The following PDE3B variants were observed in gnomAD, a reference collection of about 807,000 sequenced individuals.
PDE3B encodes the protein cGMP-inhibited 3',5'-cyclic phosphodiesterase 3B.
Under a neutral mutation model 116.8 loss-of-function variants are expected in PDE3B, and 66 were observed. The observed-to-expected ratio is 0.56, with a 90% CI of 0.46 to 0.69. The LOEUF (loss-of-function observed/expected upper bound fraction) is 0.69. Ranked by LOEUF, PDE3B falls within the 30% of genes least tolerant of loss-of-function variation. The pLI, the probability that PDE3B is intolerant of heterozygous loss-of-function variation, is 0.00. For missense variants in PDE3B, 1,384 were observed against 1,368.1 expected, an observed-to-expected ratio of 1.01 and a Z score of -0.18; for synonymous variants, 595 against 533.6, an observed-to-expected ratio of 1.12 and a Z score of -1.59.
At chr11:14,688,468 C>CA (rs1854953062) in intron 1 of PDE3B, among the ~76,000 whole-genome samples, 10 of 152,050 alleles carry the variant, frequency 6.6e-5, no homozygotes. Flanking sequence ...AGTGTGTTTA[C>CA]AATGAGGCCT....
the PDE3B span, chr11:14,892,281 T>A: frequency 7.2e-7 from 1 of 1,389,442 alleles, no homozygotes; most frequent in Non-Finnish European, 1.0e-6. Flanking sequence ...CATACTCCCA[T>A]TGGCAGGATA....
At chr11:14,683,882 G>C (rs1338585805) in intron 1 of PDE3B, among the ~76,000 whole-genome samples, 1 of 152,010 alleles carries the variant, frequency 6.6e-6, no homozygotes, top group Non-Finnish European at 1.5e-5. Context: ...GTTTTTATTT[G>C]GTTCAGACTA....
chr11:14,811,485 G>A (rs536364878), intron 5 of PDE3B, among the ~76,000 whole-genome samples: 11 of 152,200 alleles, frequency 7.2e-5, no homozygotes, highest in East Asian at 1.9e-4. Flanking sequence ...GTAGATATGC[G>A]GCGTGATTTC....
rs1555008276 is a variant in PDE3B, at chr11:14,867,595, C to T, written c.2976C>T (p.Ile992=). The change falls in exon 15 of 16, where the codon ATC becomes ATT. Residue 992 remains isoleucine, a synonymous_variant. Coordinates refer to ENST00000282096, the MANE Select transcript of PDE3B (RefSeq NM_000922.4). ...TAGCAAAACTCCAAGAATCTTTTATCACCCACATAGTGGGTCCCCTGTGTA... is the reference window on the plus strand; with the variant it reads ...TAGCAAAACTCCAAGAATCTTTTATTACCCACATAGTGGGTCCCCTGTGTA... The part of the protein sequence containing the change: ...PQLAKLQESF[I]THIVGPLCNS... The T allele has an allele frequency of 6.2e-7, 1 of 1,613,990 alleles. No homozygotes were observed. Among genetic ancestry groups the T allele is most frequent in the South Asian group, 1.1e-5 (1 of 91,072 alleles).
At chr11:14,853,322 G>A (rs1217160834) in intron 12 of PDE3B, among the ~76,000 whole-genome samples, 3 of 152,040 alleles carry the variant, frequency 2.0e-5, no homozygotes, top group Non-Finnish European at 4.4e-5. Flanking sequence ...ACAAGGGCAG[G>A]GATTTTTGTC....
chr11:14,792,561 T>G (rs929669937), intron 4 of PDE3B, among the ~76,000 whole-genome samples: 13 of 152,146 alleles, frequency 8.5e-5, no homozygotes, highest in African/African-American at 3.1e-4. Flanking sequence ...GAAGAAGAGT[T>G]AGTCCCCCAT....
At chr11:14,649,209 A>G (rs1337590413) in intron 1 of PDE3B, among the ~76,000 whole-genome samples, 1 of 152,024 alleles carries the variant, frequency 6.6e-6, no homozygotes, top group African/African-American at 2.4e-5. Context: ...TTCCCTTTCA[A>G]TTACCAAGTC....
chr11:14,661,348 A>T (rs930533297), intron 1 of PDE3B, among the ~76,000 whole-genome samples: 2 of 152,258 alleles, frequency 1.3e-5, no homozygotes, highest in Non-Finnish European at 2.9e-5. Context: ...GAATAGGAAC[A>T]GCTCCGGTCT....
At chr11:14,891,129 C>T in the PDE3B span, 1 of 985,324 alleles carries the variant, frequency 1.0e-6, no homozygotes, top group African/African-American at 1.7e-5. Flanking sequence ...AACTCCTGCC[C>T]CCTCCGGACG....
intron 1 of PDE3B, among the ~76,000 whole-genome samples, chr11:14,731,532 A>G (rs1008331548): frequency 6.6e-6 from 1 of 152,082 alleles, no homozygotes; most frequent in Non-Finnish European, 1.5e-5. Context: ...TGCTGAGATT[A>G]CAGGTGTGAG....
intron 14 of PDE3B, among the ~76,000 whole-genome samples, chr11:14,866,484 C>T (rs1263942361): frequency 6.6e-6 from 1 of 152,162 alleles, no homozygotes; most frequent in Non-Finnish European, 1.5e-5. Context: ...AAGCCAAACT[C>T]CTGGGTTATA....
intron 1 of PDE3B, chr11:14,700,887 G>C (rs1488815384): frequency 6.6e-6 from 1 of 151,718 alleles, no homozygotes. Context: ...ACTTACATTA[G>C]GTATCAATTA....
At chr11:14,807,016 T>G (rs1858954715) in intron 5 of PDE3B, among the ~76,000 whole-genome samples, 1 of 151,586 alleles carries the variant, frequency 6.6e-6, no homozygotes, top group East Asian at 1.9e-4. Context: ...AACAGAAAAC[T>G]AAACACCGCA....
At position 14,644,687 on chromosome 11, in the gene PDE3B, A is replaced by G; in HGVS notation, c.612A>G (p.Val204=). ...AGRLLLVLSC[V]GLLLTLAHPL... The stretch of plus-strand genomic sequence containing the variant: ...GGTTGCTGCTGGTGCTGAGCTGCGT[A>G]GGGCTGCTGCTGACGCTCGCGCACC... Residue 204 remains valine, a synonymous_variant, in exon 1 of 16, where the codon GTA becomes GTG. Transcript: ENST00000282096. The G allele has an allele frequency of 2.0e-6, 3 of 1,512,958 alleles. No homozygotes were observed. The highest frequency in any genetic ancestry group is 2.6e-6 in the Non-Finnish European group (3 of 1,133,304). The allele number at this position is 1,512,958 out of a possible 1,614,324, so 93.7% of individuals were successfully genotyped here.
chr11:14,708,514 C>T (rs1261155790), intron 1 of PDE3B, among the ~76,000 whole-genome samples: 6 of 152,078 alleles, frequency 3.9e-5, no homozygotes, highest in Non-Finnish European at 7.4e-5. Flanking sequence ...AAATATTAGA[C>T]GTACCTAAAT....
Position 14,644,293 on chromosome 11 carries a change from C to T in PDE3B, c.218C>T (p.Ser73Phe), listed in dbSNP as rs1853298690. Reference sequence around the variant, plus strand: ...TCTCCCCAGCAGCCGCGGCGCTGCTCCCCCTTCTGCCGGGCGCGCCTCTCG... The same window carrying T: ...TCTCCCCAGCAGCCGCGGCGCTGCTTCCCCTTCTGCCGGGCGCGCCTCTCG... ...PASPQQPRRC[S>F]PFCRARLSLG... is the part of the protein sequence containing the mutation. The change falls in exon 1 of 16, where the codon TCC (serine) becomes TTC (phenylalanine). Residue 73 changes from serine to phenylalanine, a missense_variant. Around this residue, in one of 2 missense-constraint regions of PDE3B, gnomAD observed 956 missense variants for 806.8 expected, o/e 1.18. Transcript: ENST00000282096. The T allele has an allele frequency of 3.8e-6, 6 of 1,563,600 alleles. No individual in the cohort carries two copies. The highest frequency in any genetic ancestry group is 5.2e-6 in the Non-Finnish European group (6 of 1,161,468).
intron 12 of PDE3B, among the ~76,000 whole-genome samples, chr11:14,848,392 G>T (rs1439520056): frequency 4.7e-5 from 7 of 147,550 alleles, no homozygotes; most frequent in East Asian, 2.0e-4. Context: ...ATACTGAATG[G>T]GCAAAAACTG....
chr11:14,654,961 G>A (rs1853670709), intron 1 of PDE3B, among the ~76,000 whole-genome samples: 2 of 58 alleles, frequency 0.034, no homozygotes, highest in African/African-American at 0.17. Flanking sequence ...GGTCAAAAAA[G>A]GAAACCTAGG....
intron 1 of PDE3B, among the ~76,000 whole-genome samples, chr11:14,706,533 A>G (rs1247197642): frequency 6.6e-6 from 1 of 151,928 alleles, no homozygotes; most frequent in Non-Finnish European, 1.5e-5. Context: ...TAACTACTCA[A>G]TAATTATTTG....
Sources: allele counts gnomAD v4.1 joint callset (sites outside exome capture counted in the v4.1 genomes callset), GRCh38; gene constraint gnomAD v4.1.1; regional missense constraint gnomAD v4.1.1; transcripts MANE v1.5; gene names NCBI Gene and HGNC (gene_info 2026-07-23, HGNC 2026-07-21).